Variants in ZC3H12B observed in about 807,000 individuals in gnomAD.
ZC3H12B encodes the protein zinc finger CCCH-type containing 12B.
ZC3H12B carries 7 observed loss-of-function variants against 43.9 expected under a neutral mutation model. The observed-to-expected ratio is 0.16, with a 90% CI of 0.09 to 0.30. The LOEUF is 0.30. ZC3H12B is among the 10% of genes least tolerant of loss of function. The pLI, the probability that ZC3H12B is intolerant of heterozygous loss-of-function variation, is 1.00. For missense variants in ZC3H12B, 475 were observed against 670.2 expected (o/e 0.71, Z 3.22); for synonymous variants, 222 against 241.7 (o/e 0.92, Z 0.76).
At chrX:65,420,301 C>T (rs1272486837) in intron 3 of ZC3H12B, among the ~76,000 whole-genome samples, 3 of 111,808 alleles carry the variant, frequency 2.7e-5, no homozygotes, top group Non-Finnish European at 5.7e-5. Context: ...AGATCAACCC[C>T]AATGGGACCC....
At chrX:65,344,840 C>G in the ZC3H12B span, among the ~76,000 whole-genome samples, 4 of 112,145 alleles carry the variant, frequency 3.6e-5, no homozygotes, top group African/African-American at 1.3e-4. Flanking sequence ...TATCCAGAAT[C>G]TATCAGAAAC....
At chrX:65,078,435 A>G in the ZC3H12B span, among the ~76,000 whole-genome samples, 1 of 112,163 alleles carries the variant, frequency 8.9e-6, no homozygotes, top group African/African-American at 3.2e-5. Context: ...GAGAATGAGT[A>G]GCTAGTAAGG....
At chrX:65,156,835 G>C in the ZC3H12B span, among the ~76,000 whole-genome samples, 1 of 111,478 alleles carries the variant, frequency 9.0e-6, no homozygotes, top group Non-Finnish European at 1.9e-5. Context: ...TGTCGTTGTT[G>C]TTTTGCTTTT....
At chrX:65,311,378 A>G in the ZC3H12B span, among the ~76,000 whole-genome samples, 2 of 112,696 alleles carry the variant, frequency 1.8e-5, no homozygotes, top group African/African-American at 6.5e-5. Flanking sequence ...TGCAGCCAAC[A>G]GACACATGAA....
the ZC3H12B span, among the ~76,000 whole-genome samples, chrX:65,134,928 TG>T: frequency 9.0e-6 from 1 of 110,537 alleles, no homozygotes; most frequent in Non-Finnish European, 1.9e-5. Flanking sequence ...AGGTGCTCAG[TG>T]GGGGAGCTTC....
the ZC3H12B span, among the ~76,000 whole-genome samples, chrX:65,248,295 G>T: frequency 4.5e-5 from 5 of 111,340 alleles, no homozygotes; most frequent in African/African-American, 1.6e-4. Flanking sequence ...CTCCCAAAGT[G>T]CTGGGATTAC....
At chrX:65,291,610 A>C in the ZC3H12B span, among the ~76,000 whole-genome samples, 1 of 112,078 alleles carries the variant, frequency 8.9e-6, no homozygotes, top group Admixed American at 9.5e-5. Context: ...ACATAGAACC[A>C]GAGTGTAAAA....
chrX:65,421,179 G>T (rs768653958), intron 3 of ZC3H12B, among the ~76,000 whole-genome samples: 1 of 112,683 alleles, frequency 8.9e-6, no homozygotes, highest in South Asian at 3.7e-4. Flanking sequence ...TAAGACATTT[G>T]TGTGTCAGAC....
At chrX:65,245,931 A>T in the ZC3H12B span, among the ~76,000 whole-genome samples, 1 of 111,813 alleles carries the variant, frequency 8.9e-6, no homozygotes, top group Non-Finnish European at 1.9e-5. Context: ...TTTAAAAAAA[A>T]AAAAGAAAGG....
the ZC3H12B span, among the ~76,000 whole-genome samples, chrX:65,160,972 G>A: frequency 1.2e-4 from 13 of 110,809 alleles, no homozygotes; most frequent in East Asian, 5.6e-4. Flanking sequence ...CTTTGTTCTC[G>A]TTGGTTTCAA....
intron 2 of ZC3H12B, among the ~76,000 whole-genome samples, chrX:65,370,664 A>G (rs886453635): frequency 3.6e-5 from 4 of 112,058 alleles, no homozygotes; most frequent in Admixed American, 1.9e-4. Flanking sequence ...CTGTTGCCCC[A>G]GCAGCCATGC....
At chrX:65,207,606 A>G in the ZC3H12B span, among the ~76,000 whole-genome samples, 3 of 109,372 alleles carry the variant, frequency 2.7e-5, no homozygotes, top group Non-Finnish European at 5.7e-5. Flanking sequence ...GAAGTCAGGT[A>G]GTGTGATGCC....
intron 2 of ZC3H12B, among the ~76,000 whole-genome samples, chrX:65,398,081 A>AT (rs904239488): frequency 7.5e-4 from 83 of 111,206 alleles, no homozygotes; most frequent in African/African-American, 2.4e-3. Flanking sequence ...AAAGAAGTGA[A>AT]TTTTTTTTTA....
chrX:65,154,817 T>A, the ZC3H12B span, among the ~76,000 whole-genome samples: 5 of 111,978 alleles, frequency 4.5e-5, no homozygotes, highest in East Asian at 5.6e-4. Context: ...CACTCCATCC[T>A]GGGCAACAGA....
At chrX:65,146,750 G>A in the ZC3H12B span, among the ~76,000 whole-genome samples, 1 of 111,653 alleles carries the variant, frequency 9.0e-6, no homozygotes, top group Non-Finnish European at 1.9e-5. Context: ...TAGCTACCCA[G>A]CAAGTCTGCC....
chrX:65,163,912 G>T, the ZC3H12B span, among the ~76,000 whole-genome samples: 1 of 111,654 alleles, frequency 9.0e-6, no homozygotes, highest in Non-Finnish European at 1.9e-5. Context: ...CAGCCATCTT[G>T]GCTCCCCCCC....
chrX:65,440,493 G>A (rs2067287715), intron 3 of ZC3H12B, among the ~76,000 whole-genome samples: 1 of 112,048 alleles, frequency 8.9e-6, no homozygotes, highest in Non-Finnish European at 1.9e-5. Flanking sequence ...AGGATGTCTG[G>A]AAAACTTTAC....
the ZC3H12B span, among the ~76,000 whole-genome samples, chrX:65,163,221 A>T: frequency 9.0e-6 from 1 of 111,581 alleles, no homozygotes; most frequent in Non-Finnish European, 1.9e-5. Flanking sequence ...GTCAGGGGTC[A>T]GGGACCCACT....
upstream of ZC3H12B, among the ~76,000 whole-genome samples, chrX:65,488,367 G>A (rs1479678431): frequency 1.0e-5 from 1 of 97,935 alleles, no homozygotes; most frequent in African/African-American, 3.9e-5. Flanking sequence ...GATAACTTTA[G>A]CTGTTATTTT....
Sources: allele counts gnomAD v4.1 joint callset (sites outside exome capture counted in the v4.1 genomes callset), GRCh38; gene constraint gnomAD v4.1.1; transcripts MANE v1.5; gene names NCBI Gene and HGNC (gene_info 2026-07-23, HGNC 2026-07-21).